Variants in PTPRS observed in about 807,000 individuals in gnomAD.
PTPRS encodes protein tyrosine phosphatase receptor type S.
PTPRS carries 63 observed loss-of-function variants against 215.3 expected under a neutral mutation model. The observed-to-expected ratio is 0.29, with a 90% CI of 0.24 to 0.36. The LOEUF (loss-of-function observed/expected upper bound fraction) is 0.36. Ranked by LOEUF, PTPRS falls within the 10% of genes least tolerant of loss-of-function variation. PTPRS has a pLI of 1.00. For missense variants in PTPRS, 2,258 were observed against 2,825.8 expected (o/e 0.80, Z 4.56); for synonymous variants, 1,404 against 1,191.4 (o/e 1.18, Z -3.68).
At chr19:5,334,264 G>A (rs767579608) in intron 1 of PTPRS, among the ~76,000 whole-genome samples, 13 of 152,368 alleles carry the variant, frequency 8.5e-5, no homozygotes, top group South Asian at 2.1e-4. Context: ...AGCGGGGCGC[G>A]GGTGGACACT....
chr19:5,274,746 C>A lies in PTPRS; in HGVS notation c.92-402G>T, dbSNP rs551489444. Among the ~76,000 whole-genome samples the A allele has an allele frequency of 2.4e-3, 371 of 152,326 alleles. 1 individual carries two copies. The highest frequency in any genetic ancestry group is 8.7e-3 in the African/African-American group (360 of 41,578). On this transcript the variant is annotated intron_variant, in intron 2 of 37. Coordinates refer to ENST00000262963, the MANE Select transcript of PTPRS (RefSeq NM_002850.4). ...CCTAAATTCAGCACCTGAACCCCCC[C>A]TCCATGGTGACCAGCCAAACCCTGG... is the stretch of plus-strand genomic sequence containing the variant.
chr19:5,229,528 GGCC>G lies in PTPRS; in HGVS notation c.2309_2311del (p.Gly770_Pro771delinsAla). The G allele has an allele frequency of 9.6e-6, 14 of 1,464,950 alleles. No homozygotes were observed. Among genetic ancestry groups the G allele is most frequent in the Non-Finnish European group, 1.2e-5 (13 of 1,110,602 alleles). The allele number at this position is 1,464,950 out of a possible 1,614,324, so 90.7% of individuals were successfully genotyped here. On this transcript the variant is annotated inframe_deletion, in exon 15 of 38. Coordinates refer to ENST00000262963, the MANE Select transcript of PTPRS (RefSeq NM_002850.4). Reference sequence around the variant, plus strand: ...CAGCATGACGTCCTTGATGCGCGGCGGCCCGCGGGCCTCGGCGCCCTCCATGCG... The same window carrying G: ...CAGCATGACGTCCTTGATGCGCGGCGCGCGGGCCTCGGCGCCCTCCATGCG...
intron 1 of PTPRS, among the ~76,000 whole-genome samples, chr19:5,322,786 G>A (rs974173405): frequency 5.4e-5 from 8 of 149,134 alleles, no homozygotes; most frequent in African/African-American, 2.0e-4. Context: ...GGCTGAGGCA[G>A]GAGAATCGCT....
In PTPRS at chr19:5,206,588, T is replaced by A; in HGVS notation, c.*186A>T. 2.0e-6 allele frequency: 1 copy of A among 495,522 alleles called. No homozygotes were observed. The highest frequency in any genetic ancestry group is 5.5e-4 in the Middle Eastern group (1 of 1,810). 30.7% of individuals were successfully genotyped at this position (495,522 alleles called of 1,614,324 possible). ...CGGCGGCCGGTGCCAGGGAGGTCGC[T>A]GGGGCGGCCGGGGCCGGTGGGGGGG... On this transcript the variant is annotated 3_prime_UTR_variant, in exon 38 of 38. Coordinates refer to ENST00000262963, the MANE Select transcript of PTPRS (RefSeq NM_002850.4).
chr19:5,310,573 C>T (rs1761793399), intron 1 of PTPRS, among the ~76,000 whole-genome samples: 2 of 152,144 alleles, frequency 1.3e-5, no homozygotes, highest in African/African-American at 4.8e-5. Context: ...CCACCTCGGC[C>T]TCCCAAAGTG....
At chr19:5,266,720 C>T (rs2046428184) in intron 4 of PTPRS, among the ~76,000 whole-genome samples, 1 of 152,144 alleles carries the variant, frequency 6.6e-6, no homozygotes, top group Non-Finnish European at 1.5e-5. Context: ...TGTGGTCCGG[C>T]CACCCTCAGA....
chr19:5,296,564 A>T (rs751813560), intron 1 of PTPRS, among the ~76,000 whole-genome samples: 1 of 151,224 alleles, frequency 6.6e-6, no homozygotes, highest in Non-Finnish European at 1.5e-5. Flanking sequence ...GCGAACAAAG[A>T]CCAGGAGAAG....
intron 1 of PTPRS, among the ~76,000 whole-genome samples, chr19:5,319,829 A>G (rs2049977712): frequency 6.6e-6 from 1 of 151,520 alleles, no homozygotes; most frequent in African/African-American, 2.4e-5. Context: ...TCACCTCCTC[A>G]ATGAAGCCGT....
intron 1 of PTPRS, among the ~76,000 whole-genome samples, chr19:5,330,979 T>C (rs1195525323): frequency 6.6e-6 from 1 of 152,082 alleles, no homozygotes; most frequent in Non-Finnish European, 1.5e-5. Flanking sequence ...CCAGGACAGA[T>C]GTGCAGAGGG....
At chr19:5,213,339 C>T (rs2041102458) in intron 30 of PTPRS, among the ~76,000 whole-genome samples, 1 of 152,356 alleles carries the variant, frequency 6.6e-6, no homozygotes, top group African/African-American at 2.4e-5. Context: ...AAGTCTTCCC[C>T]AAGGCCCACA....
intron 17 of PTPRS, 123 bp from the exon 18 acceptor site, chr19:5,223,420 T>C: frequency 8.8e-7 from 1 of 1,137,968 alleles, no homozygotes; most frequent in Non-Finnish European, 1.2e-6. Context: ...GGGGGGGGTC[T>C]TACTCTGTTG....
At chr19:5,300,767 CAAAAAAAA>C (rs59799136) in intron 1 of PTPRS, among the ~76,000 whole-genome samples, 3 of 97,754 alleles carry the variant, frequency 3.1e-5, no homozygotes, top group Admixed American at 1.1e-4. Flanking sequence ...GACTCCGTCT[CAAAAAAAA>C]AAAAAAAAAA....
chr19:5,211,684 T>C lies in PTPRS; in HGVS notation c.5140A>G (p.Ile1714Val). Residue 1714 changes from isoleucine to valine, a missense_variant, in exon 33 of 38, where the codon ATC becomes GTC. Ile to Val is a conservative substitution (Grantham distance 29). This residue lies in a region of PTPRS where 927 missense variants were observed against 1,125.9 expected (regional missense o/e 0.82). Coordinates refer to ENST00000262963, the MANE Select transcript of PTPRS (RefSeq NM_002850.4). ...CNKFKNRLVN[I>V]MPYESTRVCL... ...ACCCGTGTGCTCTCATAGGGCATGA[T>C]GTTCACCAGGCGGTTCTTGAACTTG... The C allele has an allele frequency of 1.2e-6, 2 of 1,614,158 alleles. No individual in the cohort carries two copies. The highest frequency in any genetic ancestry group is 1.1e-5 in the South Asian group (1 of 91,084).
At chr19:5,323,467 T>C (rs958724690) in intron 1 of PTPRS, among the ~76,000 whole-genome samples, 1 of 152,012 alleles carries the variant, frequency 6.6e-6, no homozygotes, top group African/African-American at 2.4e-5. Flanking sequence ...GGCTGCAAGT[T>C]TAAATAGGGT....
intron 1 of PTPRS, among the ~76,000 whole-genome samples, chr19:5,330,525 T>C (rs1440179087): frequency 1.3e-5 from 2 of 152,222 alleles, no homozygotes; most frequent in Non-Finnish European, 2.9e-5. Flanking sequence ...CCCCTAACGG[T>C]TCACGAAGCT....
intron 9 of PTPRS, among the ~76,000 whole-genome samples, chr19:5,248,149 G>A (rs1017029526): frequency 5.3e-5 from 8 of 152,144 alleles, no homozygotes; most frequent in South Asian, 4.2e-4. Flanking sequence ...CACCCACAGC[G>A]AGGCACAGGT....
chr19:5,297,402 T>C (rs887427830), intron 1 of PTPRS, among the ~76,000 whole-genome samples: 2 of 152,192 alleles, frequency 1.3e-5, no homozygotes, highest in Non-Finnish European at 2.9e-5. Context: ...CATTCATTCT[T>C]TCCCTGTACA....
intron 2 of PTPRS, chr19:5,278,007 A>G: frequency 7.9e-7 from 1 of 1,265,890 alleles, no homozygotes; most frequent in Non-Finnish European, 1.1e-6. Context: ...GATGTGCAAC[A>G]AATCTCCCTG....
At chr19:5,215,048 G>A (rs2041294236) in intron 28 of PTPRS, among the ~76,000 whole-genome samples, 1 of 152,264 alleles carries the variant, frequency 6.6e-6, no homozygotes, top group Non-Finnish European at 1.5e-5. Context: ...ATTGCCAGAT[G>A]TCCCCTGGGC....
Sources: gnomAD v4.1 joint callset for allele counts (sites outside exome capture counted in the v4.1 genomes callset) on GRCh38, gnomAD v4.1.1 for gene constraint, gnomAD v4.1.1 regional missense constraint, MANE v1.5 for transcripts, NCBI Gene and HGNC (gene_info 2026-07-23, HGNC 2026-07-21) for gene names.